The following PLEKHB2 variants were observed in gnomAD, a reference collection of about 807,000 sequenced individuals.
PLEKHB2 encodes pleckstrin homology domain-containing family B member 2.
Under a neutral mutation model 36.5 loss-of-function variants are expected in PLEKHB2, and 31 were observed. That is an observed-to-expected ratio of 0.85 (90% CI 0.64 to 1.15). The LOEUF (loss-of-function observed/expected upper bound fraction) is 1.15. Among genes scored for constraint, PLEKHB2 ranks in the 50% most tolerant of loss-of-function variants. PLEKHB2 has a pLI of 0.00. For missense variants in PLEKHB2, 262 were observed against 295.3 expected, an observed-to-expected ratio of 0.89 and a Z score of 0.83; for synonymous variants, 119 against 112.0, an observed-to-expected ratio of 1.06 and a Z score of -0.39.
chr2:131,119,650 A>G (rs1696266959), intron 1 of PLEKHB2, among the ~76,000 whole-genome samples: 1 of 152,220 alleles, frequency 6.6e-6, no homozygotes, highest in Admixed American at 6.5e-5. Context: ...TAAAGTTTCA[A>G]TAGATTTTGT....
At chr2:131,112,691 A>G (rs901925257) in intron 1 of PLEKHB2, among the ~76,000 whole-genome samples, 3 of 152,148 alleles carry the variant, frequency 2.0e-5, no homozygotes, top group African/African-American at 7.2e-5. Context: ...CATTCCAGGA[A>G]CATGAAGAAA....
intron 7 of PLEKHB2, 64 bp from the exon 8 acceptor site, chr2:131,146,573 C>A: frequency 1.3e-6 from 2 of 1,526,632 alleles, no homozygotes; most frequent in African/African-American, 1.4e-5. Flanking sequence ...AGAACTGGTA[C>A]TTTGCGTGAT....
intron 1 of PLEKHB2, among the ~76,000 whole-genome samples, chr2:131,116,579 T>C (rs1695905830): frequency 6.6e-6 from 1 of 152,108 alleles, no homozygotes; most frequent in African/African-American, 2.4e-5. Flanking sequence ...AACACACTTA[T>C]AAACAAGTAG....
chr2:131,140,232 G>T lies in PLEKHB2; in HGVS notation c.489G>T (p.Ala163=), dbSNP rs577576630. 1.2e-6 allele frequency: 2 copies of T among 1,613,194 alleles called. No individual in the cohort carries two copies. The highest frequency in any genetic ancestry group is 1.7e-5 in the Admixed American group (1 of 60,016). The part of the protein sequence containing the change: ...YPPGTQVVYA[A]NGQAYAVPYQ... Reference sequence around the variant, plus strand: ...CAGGAACTCAAGTTGTCTACGCTGCGAATGGGCAGGCGTATGCCGTGCCCT... The same window carrying T: ...CAGGAACTCAAGTTGTCTACGCTGCTAATGGGCAGGCGTATGCCGTGCCCT... The change falls in exon 7 of 8, where the codon GCG becomes GCT. Residue 163 remains alanine (A), a synonymous_variant. Transcript: ENST00000693505.
At chr2:131,144,811 A>T (rs1367635346) in intron 7 of PLEKHB2, among the ~76,000 whole-genome samples, 7 of 152,222 alleles carry the variant, frequency 4.6e-5, no homozygotes, top group Non-Finnish European at 1.0e-4. Flanking sequence ...GGGCATCAGA[A>T]TGTAGATTTT....
intron 7 of PLEKHB2, among the ~76,000 whole-genome samples, chr2:131,145,169 C>G (rs928460785): frequency 6.6e-6 from 1 of 152,130 alleles, no homozygotes; most frequent in Non-Finnish European, 1.5e-5. Flanking sequence ...TGCTGTGTGC[C>G]TCAGTTTGCC....
At chr2:131,126,929 A>T in intron 4 of PLEKHB2, 143 bp downstream of exon 4, 2 of 602,668 alleles carry the variant, frequency 3.3e-6, no homozygotes, top group African/African-American at 1.9e-5. Context: ...GAGAAATGCA[A>T]GAGTCGCTTT....
chr2:131,113,278 G>T (rs1394886938), intron 1 of PLEKHB2, among the ~76,000 whole-genome samples: 2 of 152,032 alleles, frequency 1.3e-5, no homozygotes, highest in South Asian at 4.1e-4. Context: ...TCACCATGTT[G>T]CCTAGGCTAG....
rs922423690 is a variant in PLEKHB2, at chr2:131,136,375, A to T, written c.423+3384A>T. On this transcript the variant is annotated intron_variant, in intron 6 of 7. Transcript: ENST00000693505. ...CCTGAGCCACCATGGCTGCAAAAAA[A>T]TTTTTTTTTTTTGTTGTAGAGACAG... Among the ~76,000 whole-genome samples, 23 of 148,322 alleles carry T rather than the reference A, an allele frequency of 1.6e-4. 1 individual carries two copies. Among genetic ancestry groups the T allele is most frequent in the African/African-American group, 3.8e-4 (15 of 39,598 alleles).
chr2:131,140,299 C>A, intron 7 of PLEKHB2, 24 bp downstream of exon 7: 1 of 1,256,496 alleles, frequency 8.0e-7, no homozygotes, highest in Non-Finnish European at 1.2e-6. Flanking sequence ...GCCTTTCATT[C>A]CTCATTTCTC....
At chr2:131,123,006 A>G (rs1414942864) in intron 2 of PLEKHB2, among the ~76,000 whole-genome samples, 2 of 152,092 alleles carry the variant, frequency 1.3e-5, no homozygotes, top group African/African-American at 2.4e-5. Context: ...CTTTTCCACC[A>G]CAACTTGAAG....
intron 6 of PLEKHB2, among the ~76,000 whole-genome samples, chr2:131,136,928 T>A (rs1029327790): frequency 2.6e-5 from 4 of 151,330 alleles, no homozygotes; most frequent in Non-Finnish European, 5.9e-5. Flanking sequence ...ATCTTTTTTC[T>A]TTTTTTCTTT....
chr2:131,112,182 T>G (rs1238792345), intron 1 of PLEKHB2, among the ~76,000 whole-genome samples: 1 of 152,158 alleles, frequency 6.6e-6, no homozygotes, highest in African/African-American at 2.4e-5. Flanking sequence ...CAGTGGCTGT[T>G]GGTTTAATCA....
In PLEKHB2 at chr2:131,149,080, C is replaced by G. The variant is rs1699497963; in HGVS notation, c.*2307C>G. 3 of 152,298 alleles carry G rather than the reference C, an allele frequency of 2.0e-5. 1 individual carries two copies. The South Asian group carries it at 6.2e-4, about 32-fold the overall frequency. The allele number at this position is 152,298 out of a possible 1,614,324, so 9.4% of individuals were successfully genotyped here. On this transcript the variant is annotated 3_prime_UTR_variant, in exon 8 of 8. Transcript: ENST00000693505. ...TGGGCACTCATGTGTGTCCCCTCCC[C>G]AGTCCCCATCCTAGTGGGGCCAGTC...
At chr2:131,131,077 C>T (rs1182146798) in intron 5 of PLEKHB2, among the ~76,000 whole-genome samples, 1 of 152,224 alleles carries the variant, frequency 6.6e-6, no homozygotes, top group Non-Finnish European at 1.5e-5. Flanking sequence ...GCATGAGCCA[C>T]CACACCCGGC....
At chr2:131,119,353 C>T (rs759312638) in intron 1 of PLEKHB2, among the ~76,000 whole-genome samples, 4 of 152,116 alleles carry the variant, frequency 2.6e-5, no homozygotes, top group African/African-American at 7.2e-5. Flanking sequence ...CACACAGAAT[C>T]GCCTCATTTT....
chr2:131,122,089 A>C (rs912540209), intron 2 of PLEKHB2, among the ~76,000 whole-genome samples: 11 of 151,542 alleles, frequency 7.3e-5, no homozygotes, highest in African/African-American at 2.7e-4. Context: ...GTAGAGACGG[A>C]GTTTCTCCAT....
chr2:131,110,433 C>G (rs77147356), intron 1 of PLEKHB2, among the ~76,000 whole-genome samples: 2,512 of 151,790 alleles, frequency 0.017, 41 homozygotes, highest in African/African-American at 0.044. Flanking sequence ...AGTGCAGTGA[C>G]ATGATCATTC....
Position 131,146,715 on chromosome 2 carries a change from G to T in PLEKHB2, c.611G>T (p.Gly204Val). ...GACAACGACAGCGACCTGGCACTGG[G>T]CATGCTGGCAGGAGCAGCCACGGGC... The part of the protein sequence containing the change: ...YRDNDSDLAL[G>V]MLAGAATGMA... Residue 204 changes from glycine to valine, a missense_variant, in exon 8 of 8, where the codon GGC (glycine) becomes GTC (valine). By Grantham distance (109) the Gly-to-Val change is moderately radical. Coordinates refer to ENST00000693505, the MANE Select transcript of PLEKHB2 (RefSeq NM_001100623.2). 1 of 1,613,892 alleles carries T rather than the reference G, an allele frequency of 6.2e-7. No individual in the cohort carries two copies. The highest frequency in any genetic ancestry group is 8.5e-7 in the Non-Finnish European group (1 of 1,179,906).
Sources: gnomAD v4.1 joint callset for allele counts (sites outside exome capture counted in the v4.1 genomes callset) on GRCh38, gnomAD v4.1.1 for gene constraint, MANE v1.5 for transcripts, NCBI Gene and HGNC (gene_info 2026-07-23, HGNC 2026-07-21) for gene names.